Variants in NFKBIZ observed in about 807,000 individuals in gnomAD.
The protein encoded by NFKBIZ is NFKB inhibitor zeta.
A neutral mutation model predicts 76.8 loss-of-function variants in NFKBIZ; 19 were observed. The ratio of observed to expected loss-of-function variants is 0.25; its 90% CI spans 0.17 to 0.36. The LOEUF (loss-of-function observed/expected upper bound fraction) is 0.36. NFKBIZ is among the 10% of genes least tolerant of loss of function. The pLI is 1.00. For missense variants in NFKBIZ, 829 were observed against 910.9 expected (o/e 0.91, Z 1.16); for synonymous variants, 368 against 354.8 (o/e 1.04, Z -0.42).
At chr3:101,830,096 A>G (rs761105091) in intron 2 of NFKBIZ, among the ~76,000 whole-genome samples, 39 of 151,822 alleles carry the variant, frequency 2.6e-4, no homozygotes, top group Non-Finnish European at 4.0e-4. Flanking sequence ...AAACTAGCAT[A>G]TGTGGTTTCT....
intron 5 of NFKBIZ, 144 bp from the exon 6 acceptor site, chr3:101,854,434 A>G (rs989045095): frequency 8.3e-6 from 5 of 604,452 alleles, no homozygotes; most frequent in Non-Finnish European, 1.5e-5. Flanking sequence ...TGTAGCAGAA[A>G]AGACAAATTA....
At position 101,849,559 on chromosome 3, in the gene NFKBIZ, C is replaced by T; in HGVS notation, c.-70C>T. ...CCCGCCGACAGCTCCCTGAGCCAGC[C>T]CGGGAGGCAGCCGCGCGCAGCGAGC... On this transcript the variant is annotated 5_prime_UTR_variant, in exon 1 of 12. Transcript: ENST00000326172. 2 of 1,268,438 alleles carry T rather than the reference C, an allele frequency of 1.6e-6. No individual in the cohort carries two copies. Among genetic ancestry groups the T allele is most frequent in the Non-Finnish European group, 1.0e-6 (1 of 1,001,952 alleles). The allele number at this position is 1,268,438 out of a possible 1,614,324, so 78.6% of individuals were successfully genotyped here.
intron 11 of NFKBIZ, 198 bp downstream of exon 11, chr3:101,857,657 A>G: frequency 1.0e-6 from 1 of 985,468 alleles, no homozygotes; most frequent in Non-Finnish European, 1.2e-6. Context: ...TTGAGGGATT[A>G]TCCATAGACT....
In NFKBIZ at chr3:101,859,309, C is replaced by G; in HGVS notation, c.2104-9C>G. The G allele has an allele frequency of 6.2e-7, 1 of 1,612,764 alleles. No individual in the cohort carries two copies. Among genetic ancestry groups the G allele is most frequent in the Non-Finnish European group, 8.5e-7 (1 of 1,178,892 alleles). On this transcript the variant is annotated splice_polypyrimidine_tract_variant and intron_variant, in intron 11 of 11. Transcript: ENST00000326172. Reference sequence around the variant, plus strand: ...TAAACCTCACAAATTTTATTTGTTTCTCTTCCAGATCCGACGTATCCTGAA... The same window carrying G: ...TAAACCTCACAAATTTTATTTGTTTGTCTTCCAGATCCGACGTATCCTGAA...
rs560830745 is a variant in NFKBIZ at position 101,857,567 on chromosome 3, C to T, written c.2103+108C>T. ...GGCCAGCTGTTGCTCTTCAGGTGGACTCTATCAGTGTCTGTGTCTCACGGT... is the reference window on the plus strand; with the variant it reads ...GGCCAGCTGTTGCTCTTCAGGTGGATTCTATCAGTGTCTGTGTCTCACGGT... On this transcript the variant is annotated intron_variant, in intron 11 of 11. Coordinates refer to ENST00000326172, the MANE Select transcript of NFKBIZ (RefSeq NM_031419.4). 4.6e-6 allele frequency: 7 copies of T among 1,530,510 alleles called. No individual in the cohort carries two copies. The African/African-American group carries it at 9.5e-5, about 21-fold the overall frequency. The allele number at this position is 1,530,510 out of a possible 1,614,324, so 94.8% of individuals were successfully genotyped here. A position where few individuals can be genotyped will look rare whatever the true frequency, so the allele number is the denominator to read the frequency against.
chr3:101,855,547 T>C, intron 8 of NFKBIZ, 89 bp downstream of exon 8: 1 of 1,353,468 alleles, frequency 7.4e-7, no homozygotes, highest in Non-Finnish European at 1.0e-6. Context: ...AGGAAGGTAA[T>C]TAAAGCTAAA....
intron 1 of NFKBIZ, among the ~76,000 whole-genome samples, 167 bp from the exon 2 acceptor site, chr3:101,851,918 G>A (rs1942971017): frequency 6.6e-6 from 1 of 152,206 alleles, no homozygotes; most frequent in Admixed American, 6.5e-5. Flanking sequence ...TTTGAGCAGA[G>A]CTCGGGACTC....
intron 4 of NFKBIZ, 40 bp downstream of exon 4, chr3:101,853,029 A>C: frequency 6.2e-7 from 1 of 1,612,994 alleles, no homozygotes; most frequent in South Asian, 1.1e-5. Flanking sequence ...TCCTTTGGAA[A>C]TTATTCCTGG....
At chr3:101,845,849 T>C (rs1379565882), upstream of NFKBIZ, among the ~76,000 whole-genome samples, 4 of 152,242 alleles carry the variant, frequency 2.6e-5, no homozygotes, top group Non-Finnish European at 5.9e-5. Context: ...TGATGTATCA[T>C]TTCATCTTTT....
At position 101,853,453 on chromosome 3, in the gene NFKBIZ, A is replaced by G. The variant is rs752189133; in HGVS notation, c.927A>G (p.Glu309=). The part of the protein sequence containing the change: ...QPHYTHKPTL[E]YSPFPIPPQS... ...ACTACACCCACAAACCAACTCTGGA[A>G]TACAGTCCTTTTCCCATACCTCCCC... The change falls in exon 5 of 12, where the codon GAA becomes GAG. Residue 309 remains glutamate, a synonymous_variant. Transcript: ENST00000326172. The G allele has an allele frequency of 6.2e-7, 1 of 1,614,194 alleles. No homozygotes were observed. The highest frequency in any genetic ancestry group is 1.7e-5 in the Admixed American group (1 of 60,020).
intron 2 of NFKBIZ, among the ~76,000 whole-genome samples, chr3:101,832,986 G>A (rs1052677615): frequency 1.3e-5 from 2 of 152,220 alleles, no homozygotes; most frequent in Admixed American, 6.5e-5. Context: ...AAAATGACAC[G>A]AAGTTCTGAG....
intron 2 of NFKBIZ, among the ~76,000 whole-genome samples, chr3:101,841,100 T>C (rs1942779901): frequency 6.6e-6 from 1 of 152,230 alleles, no homozygotes; most frequent in Admixed American, 6.5e-5. Context: ...ATCTGTATGA[T>C]GATTAGGTTA....
intron 2 of NFKBIZ, chr3:101,829,825 C>T (rs1368881146): frequency 1.3e-5 from 2 of 151,936 alleles, no homozygotes; most frequent in African/African-American, 4.8e-5. Context: ...TACAAAATTA[C>T]TATGAATTTT....
Position 101,855,495 on chromosome 3 carries a change from TA to T in NFKBIZ, c.1654+38del, listed in dbSNP as rs1261274408. ...AAACTTTATTAGATTCAGAGCCACTTAGGGGGAACCATAAGGTCTAAGGGTG... is the reference window on the plus strand; with the variant it reads ...AAACTTTATTAGATTCAGAGCCACTTGGGGGAACCATAAGGTCTAAGGGTG... On this transcript the variant is annotated intron_variant, in intron 8 of 11. Transcript: ENST00000326172. The T allele has an allele frequency of 4.4e-6, 7 of 1,578,750 alleles. No individual in the cohort carries two copies. In the South Asian group the frequency reaches 7.7e-5, roughly 17 times the overall value.
rs1017266669 is a variant in NFKBIZ, at chr3:101,849,847, C to T, written c.219C>T (p.Ala73=). Residue 73 remains alanine, a synonymous_variant, in exon 1 of 12, where the codon GCC becomes GCT. Coordinates refer to ENST00000326172, the MANE Select transcript of NFKBIZ (RefSeq NM_031419.4). ...CCGACTCCTCCGACTTCTCCTCTGC[C>T]TCGTCGGTGTCCTCCTGCGGCGCCG... The part of the protein sequence containing the change: ...PGSDSSDFSS[A]SSVSSCGAVE... 1 of 1,472,194 alleles carries T rather than the reference C, an allele frequency of 6.8e-7. No individual in the cohort carries two copies. The allele number at this position is 1,472,194 out of a possible 1,614,324, so 91.2% of individuals were successfully genotyped here.
At position 101,853,561 on chromosome 3, in the gene NFKBIZ, T is replaced by A; in HGVS notation, c.1035T>A (p.Gly345=). 3 of 1,614,226 alleles carry A rather than the reference T, an allele frequency of 1.9e-6. No individual in the cohort carries two copies. In the Admixed American group the frequency reaches 5.0e-5, roughly 27 times the overall value. ...CPNQSLVSLL[G]DQRESENIAN... ...ACCAAAGCTTAGTTTCCCTTCTTGGTGATCAAAGGGAATCTGAGAATATTG... is the reference window on the plus strand; with the variant it reads ...ACCAAAGCTTAGTTTCCCTTCTTGGAGATCAAAGGGAATCTGAGAATATTG... Residue 345 remains glycine (G), a synonymous_variant, in exon 5 of 12, where the codon GGT becomes GGA. Coordinates refer to ENST00000326172, the MANE Select transcript of NFKBIZ (RefSeq NM_031419.4).
chr3:101,850,474 A>C (rs1375496699), intron 1 of NFKBIZ: 1 of 152,172 alleles, frequency 6.6e-6, no homozygotes, highest in Non-Finnish European at 1.5e-5. Flanking sequence ...TAGTTTGGCG[A>C]GTTTCGGAAG....
intron 11 of NFKBIZ, 101 bp downstream of exon 11, chr3:101,857,560 A>C: frequency 6.5e-7 from 1 of 1,542,578 alleles, no homozygotes; most frequent in Non-Finnish European, 8.7e-7. Flanking sequence ...GTTGCTCTTC[A>C]GGTGGACTCT....
upstream of NFKBIZ, among the ~76,000 whole-genome samples, chr3:101,845,131 G>A (rs1322827716): frequency 6.6e-6 from 1 of 151,806 alleles, no homozygotes; most frequent in Non-Finnish European, 1.5e-5. Context: ...AGCCGGGCGT[G>A]GTGGCGGGCA....
Sources: allele counts gnomAD v4.1 joint callset (sites outside exome capture counted in the v4.1 genomes callset), GRCh38; gene constraint gnomAD v4.1.1; transcripts MANE v1.5; gene names NCBI Gene and HGNC (gene_info 2026-07-23, HGNC 2026-07-21).